CCDC178: variants seen among roughly 807,000 people sequenced by gnomAD.
The protein encoded by CCDC178 is coiled-coil domain containing 178.
A neutral mutation model predicts 117.4 loss-of-function variants in CCDC178; 126 were observed. That is an observed-to-expected ratio of 1.07 (90% CI 0.93 to 1.24). CCDC178 has a LOEUF of 1.24. CCDC178 is among the 50% of genes most tolerant of loss of function. The pLI is 0.00. For synonymous variants in CCDC178, 283 were observed against 313.4 expected, an observed-to-expected ratio of 0.90 and a Z score of 1.02; for missense variants, 1,030 against 986.9, an observed-to-expected ratio of 1.04 and a Z score of -0.59.
intron 21 of CCDC178, among the ~76,000 whole-genome samples, chr18:33,015,542 G>A (rs961353128): frequency 2.0e-5 from 3 of 151,784 alleles, no homozygotes; most frequent in Non-Finnish European, 4.4e-5. Flanking sequence ...TCTAGCCTGA[G>A]AGACAGTGCG....
intron 21 of CCDC178, among the ~76,000 whole-genome samples, chr18:33,081,612 G>A (rs2057299412): frequency 6.6e-6 from 1 of 152,066 alleles, no homozygotes; most frequent in Non-Finnish European, 1.5e-5. Context: ...CAGTAGCTTT[G>A]TTTTATATAC....
rs71159828 is a variant in CCDC178, at chr18:33,388,519, A to AT, written c.208+1020dup. On this transcript the variant is annotated intron_variant, in intron 5 of 22. Transcript: ENST00000383096. ...AAATGTGGTACATATACACCACGGA[A>AT]TTTTTTTTTTTTTTTTTTGAGACGG... Among the ~76,000 whole-genome samples the AT allele has an allele frequency of 4.6e-3, 302 of 65,268 alleles. 55 individuals carry two copies. Among genetic ancestry groups the AT allele is most frequent in the African/African-American group, 0.018 (288 of 15,862 alleles). 42.8% of individuals were successfully genotyped at this position (65,268 alleles called of 152,430 possible). A position where few individuals can be genotyped will look rare whatever the true frequency, so the allele number is the denominator to read the frequency against.
intron 21 of CCDC178, among the ~76,000 whole-genome samples, chr18:33,058,951 A>G (rs1302228148): frequency 6.6e-6 from 1 of 152,198 alleles, no homozygotes; most frequent in Non-Finnish European, 1.5e-5. Flanking sequence ...GAATTTCATC[A>G]TAAATATACA....
chr18:33,410,261 A>G (rs1220988835), intron 3 of CCDC178, among the ~76,000 whole-genome samples: 1 of 152,148 alleles, frequency 6.6e-6, no homozygotes, highest in Non-Finnish European at 1.5e-5. Flanking sequence ...AGTTCTTTCA[A>G]CTATTTAAAT....
chr18:33,043,147 A>C (rs189892037), intron 21 of CCDC178, among the ~76,000 whole-genome samples: 96 of 152,200 alleles, frequency 6.3e-4, no homozygotes, highest in African/African-American at 2.1e-3. Flanking sequence ...ATGCATGTAG[A>C]TTTTAATCTT....
At chr18:33,305,847 T>C (rs2062240793) in intron 11 of CCDC178, among the ~76,000 whole-genome samples, 1 of 152,056 alleles carries the variant, frequency 6.6e-6, no homozygotes. Context: ...AGGGATCATT[T>C]TTGGGGGATT....
intron 21 of CCDC178, among the ~76,000 whole-genome samples, chr18:33,069,104 T>C (rs1180346483): frequency 6.6e-6 from 1 of 152,148 alleles, no homozygotes; most frequent in African/African-American, 2.4e-5. Flanking sequence ...AAAATGACTA[T>C]ACTGCCCAAA....
At chr18:33,265,410 G>C (rs1046818190) in intron 14 of CCDC178, among the ~76,000 whole-genome samples, 1 of 152,072 alleles carries the variant, frequency 6.6e-6, no homozygotes, top group African/African-American at 2.4e-5. Flanking sequence ...GTGAAAAAGA[G>C]AGGCATGTGT....
intron 11 of CCDC178, among the ~76,000 whole-genome samples, chr18:33,293,976 G>T (rs1334676588): frequency 1.3e-5 from 2 of 152,056 alleles, no homozygotes; most frequent in African/African-American, 2.4e-5. Context: ...AAAAAAAGAT[G>T]AAAAAAGAAG....
intron 20 of CCDC178, among the ~76,000 whole-genome samples, chr18:33,170,421 T>C (rs1328002189): frequency 2.0e-5 from 3 of 152,120 alleles, no homozygotes; most frequent in Admixed American, 2.0e-4. Flanking sequence ...TTAGAACTTA[T>C]TAAAGGAACT....
chr18:33,095,832 C>A (rs919496161), intron 20 of CCDC178, among the ~76,000 whole-genome samples: 3 of 151,714 alleles, frequency 2.0e-5, no homozygotes, highest in African/African-American at 7.3e-5. Context: ...AAAGAGAAAT[C>A]ATACCATATG....
chr18:33,347,144 T>C (rs1018052691), intron 8 of CCDC178, among the ~76,000 whole-genome samples: 3 of 152,150 alleles, frequency 2.0e-5, no homozygotes, highest in Admixed American at 6.5e-5. Flanking sequence ...AGTCCTATCC[T>C]TGTAGGACTG....
chr18:33,138,860 A>G (rs1043650296), intron 20 of CCDC178, among the ~76,000 whole-genome samples: 1 of 152,196 alleles, frequency 6.6e-6, no homozygotes, highest in African/African-American at 2.4e-5. Context: ...GAAGTGGTAC[A>G]GTCCCCTAAT....
chr18:33,020,091 G>T (rs533021625), intron 21 of CCDC178, among the ~76,000 whole-genome samples: 1 of 150,214 alleles, frequency 6.7e-6, no homozygotes, highest in African/African-American at 2.4e-5. Context: ...GATTATAGGT[G>T]CCTGCCACCA....
chr18:33,177,297 G>A (rs2058675382), intron 20 of CCDC178, among the ~76,000 whole-genome samples: 1 of 152,054 alleles, frequency 6.6e-6, no homozygotes, highest in African/African-American at 2.4e-5. Flanking sequence ...AACCATCATG[G>A]CACAGGTATA....
intron 21 of CCDC178, among the ~76,000 whole-genome samples, chr18:33,041,691 CCAAA>C (rs972004134): frequency 5.9e-5 from 9 of 151,350 alleles, no homozygotes; most frequent in Non-Finnish European, 8.9e-5. Context: ...TTCCTCCTCC[CCAAA>C]CAGTTTTACT....
chr18:33,404,490 C>T (rs2063754624), intron 3 of CCDC178, among the ~76,000 whole-genome samples: 1 of 151,956 alleles, frequency 6.6e-6, no homozygotes, highest in African/African-American at 2.4e-5. Flanking sequence ...AAACTGGAGT[C>T]CATGTATTTT....
chr18:33,282,141 C>G (rs373638916), intron 12 of CCDC178, among the ~76,000 whole-genome samples: 1 of 152,108 alleles, frequency 6.6e-6, no homozygotes, highest in Non-Finnish European at 1.5e-5. Context: ...ACAACAGTTC[C>G]GGAGGAATAG....
At chr18:33,436,378 C>A (rs2064290494) in intron 2 of CCDC178, among the ~76,000 whole-genome samples, 1 of 152,122 alleles carries the variant, frequency 6.6e-6, no homozygotes, top group Non-Finnish European at 1.5e-5. Flanking sequence ...ATGCATAGAC[C>A]ACTCTTTCTA....
Sources: gnomAD v4.1 joint callset for allele counts (sites outside exome capture counted in the v4.1 genomes callset) on GRCh38, gnomAD v4.1.1 for gene constraint, MANE v1.5 for transcripts, NCBI Gene and HGNC (gene_info 2026-07-23, HGNC 2026-07-21) for gene names.